The following GABRG3 variants were observed in gnomAD, a reference collection of about 807,000 sequenced individuals.
GABRG3 encodes gamma-aminobutyric acid type A receptor subunit gamma3, also known as gamma-aminobutyric acid receptor subunit gamma-3.
Under a neutral mutation model 48.8 loss-of-function variants are expected in GABRG3, and 25 were observed. The ratio of observed to expected loss-of-function variants is 0.51; its 90% CI spans 0.37 to 0.72. GABRG3 has a LOEUF of 0.72. Ranked by LOEUF, GABRG3 falls within the 30% of genes least tolerant of loss-of-function variation. The pLI is 0.00. For missense variants in GABRG3, 394 were observed against 577.9 expected (o/e 0.68, Z 3.26); for synonymous variants, 227 against 217.6 (o/e 1.04, Z -0.38).
chr15:27,369,905 C>T (rs1016673584), intron 5 of GABRG3, among the ~76,000 whole-genome samples: 5 of 151,258 alleles, frequency 3.3e-5, no homozygotes, highest in African/African-American at 9.7e-5. Context: ...CCTCTTTTCT[C>T]ACCTTGGGGA....
At chr15:27,111,468 G>A (rs1384370360) in intron 3 of GABRG3, among the ~76,000 whole-genome samples, 1 of 152,162 alleles carries the variant, frequency 6.6e-6, no homozygotes, top group Non-Finnish European at 1.5e-5. Flanking sequence ...CAGACATGAT[G>A]TGTTGGGTAA....
intron 5 of GABRG3, among the ~76,000 whole-genome samples, chr15:27,360,052 G>A (rs1595703346): frequency 1.3e-5 from 2 of 152,312 alleles, no homozygotes. Flanking sequence ...TCAGAAGGGA[G>A]CATTTTCAGG....
At chr15:27,484,922 TACAAACATGGGAGAACAC>T (rs1182627551) in intron 6 of GABRG3, among the ~76,000 whole-genome samples, 1 of 152,190 alleles carries the variant, frequency 6.6e-6, no homozygotes, top group African/African-American at 2.4e-5. Flanking sequence ...AATAAATACA[TACAAACATGGGAGAACAC>T]AGATAAATCC....
At chr15:27,410,506 C>T (rs912655700) in intron 5 of GABRG3, among the ~76,000 whole-genome samples, 1 of 152,106 alleles carries the variant, frequency 6.6e-6, no homozygotes, top group Non-Finnish European at 1.5e-5. Context: ...GAGCATGAAG[C>T]CTTCTTTTCC....
intron 3 of GABRG3, among the ~76,000 whole-genome samples, chr15:27,032,308 C>T (rs1896100495): frequency 6.6e-6 from 1 of 152,242 alleles, no homozygotes; most frequent in Non-Finnish European, 1.5e-5. Context: ...GAAGTCCCTT[C>T]TGCCATCTCT....
At chr15:27,118,993 C>T (rs1413112692) in intron 3 of GABRG3, among the ~76,000 whole-genome samples, 2 of 152,168 alleles carry the variant, frequency 1.3e-5, no homozygotes, top group African/African-American at 2.4e-5. Flanking sequence ...CAGACATTCT[C>T]CTACCATTCT....
chr15:27,322,931 G>A (rs1264128365), intron 3 of GABRG3, among the ~76,000 whole-genome samples: 1 of 152,134 alleles, frequency 6.6e-6, no homozygotes, highest in Admixed American at 6.5e-5. Context: ...TCTGTGTCAG[G>A]AATCCAGTCG....
At chr15:26,990,874 G>A (rs941867825) in intron 2 of GABRG3, among the ~76,000 whole-genome samples, 5 of 149,922 alleles carry the variant, frequency 3.3e-5, no homozygotes, top group Admixed American at 2.7e-4. Flanking sequence ...GTGCAATCTC[G>A]GCTCATTGAA....
intron 2 of GABRG3, among the ~76,000 whole-genome samples, chr15:27,025,134 C>T (rs953700849): frequency 6.6e-6 from 1 of 151,918 alleles, no homozygotes; most frequent in African/African-American, 2.4e-5. Context: ...TCTCTTACAC[C>T]CTTCATGGCA....
chr15:27,245,056 T>C lies in GABRG3; in HGVS notation c.271-81753T>C, dbSNP rs540837690. On this transcript the variant is annotated intron_variant, in intron 3 of 9. Coordinates refer to ENST00000615808, the MANE Select transcript of GABRG3 (RefSeq NM_033223.5). ...GGTCGTGTGGATGAGGTGATAGTGC[T>C]GGACCCTCCTCCTTAGTCCTGTGGG... Among the ~76,000 whole-genome samples, 23 of 152,176 alleles carry C rather than the reference T, an allele frequency of 1.5e-4. No individual in the cohort carries two copies. In the South Asian group the frequency reaches 3.9e-3, roughly 26 times the overall value.
chr15:27,298,519 A>G (rs1485478760), intron 3 of GABRG3, among the ~76,000 whole-genome samples: 1 of 152,144 alleles, frequency 6.6e-6, no homozygotes, highest in African/African-American at 2.4e-5. Context: ...GTACTCAGTA[A>G]ATCAGCACGT....
rs563262398 is a variant in GABRG3 at position 27,307,120 on chromosome 15, CAT to C, written c.271-19687_271-19686del. ...TAATATAAACATGTTTATATATAAA[CAT>C]AATATAAACATGTTTATACATATAT... On this transcript the variant is annotated intron_variant, in intron 3 of 9. Coordinates refer to ENST00000615808, the MANE Select transcript of GABRG3 (RefSeq NM_033223.5). Among the ~76,000 whole-genome samples, 204 of 118,822 alleles carry C rather than the reference CAT, an allele frequency of 1.7e-3. 1 individual carries two copies. Among genetic ancestry groups the C allele is most frequent in the South Asian group, 7.2e-3 (29 of 4,028 alleles). The allele number at this position is 118,822 out of a possible 152,430, so 78.0% of individuals were successfully genotyped here.
At chr15:27,349,201 T>C (rs1357432389) in intron 5 of GABRG3, among the ~76,000 whole-genome samples, 1 of 152,108 alleles carries the variant, frequency 6.6e-6, no homozygotes, top group East Asian at 1.9e-4. Flanking sequence ...TATATATATC[T>C]TTTTTACATA....
chr15:27,307,476 C>CATATAGGTTTATATATTTATATATAAAT (rs1236893346), intron 3 of GABRG3, among the ~76,000 whole-genome samples: 2 of 17,878 alleles, frequency 1.1e-4, no homozygotes, highest in Non-Finnish European at 2.9e-4. Context: ...TATATATAAA[C>CATATAGGTTTATATATTTATATATAAAT]ATAGGTTTAT....
Position 27,190,372 on chromosome 15 carries a change from G to T in GABRG3, c.271-136437G>T, listed in dbSNP as rs575527702. The stretch of plus-strand genomic sequence containing the variant: ...ATCTGGTCCTGGACTCTTTTTGGTT[G>T]GTAAGCTATTGATTATTGCCACAAT... On this transcript the variant is annotated intron_variant, in intron 3 of 9. Transcript: ENST00000615808. Among the ~76,000 whole-genome samples the T allele has an allele frequency of 4.4e-3, 669 of 152,228 alleles. 8 individuals carry two copies. The highest frequency in any genetic ancestry group is 0.015 in the African/African-American group (633 of 41,548).
At chr15:27,097,643 G>A (rs148823524) in intron 3 of GABRG3, among the ~76,000 whole-genome samples, 1 of 151,948 alleles carries the variant, frequency 6.6e-6, no homozygotes, top group Non-Finnish European at 1.5e-5. Flanking sequence ...TAACTGGTGC[G>A]ATTCTGTCTC....
chr15:27,531,126 G>A (rs1223412980), intron 9 of GABRG3, among the ~76,000 whole-genome samples: 1 of 152,128 alleles, frequency 6.6e-6, no homozygotes, highest in Non-Finnish European at 1.5e-5. Context: ...GAGGAGGAGG[G>A]TGGGCAGCCG....
chr15:27,261,085 CAA>C (rs1890752421), intron 3 of GABRG3, among the ~76,000 whole-genome samples: 1 of 152,018 alleles, frequency 6.6e-6, no homozygotes, highest in Non-Finnish European at 1.5e-5. Context: ...ACTTTAAAAA[CAA>C]ATACGCAAAC....
At chr15:27,469,746 T>C (rs1163372777) in intron 5 of GABRG3, among the ~76,000 whole-genome samples, 2 of 152,210 alleles carry the variant, frequency 1.3e-5, no homozygotes, top group African/African-American at 2.4e-5. Flanking sequence ...GACTATATTC[T>C]CATGGTGTCA....
Sources: gnomAD v4.1 joint callset for allele counts (sites outside exome capture counted in the v4.1 genomes callset) on GRCh38, gnomAD v4.1.1 for gene constraint, MANE v1.5 for transcripts, NCBI Gene and HGNC (gene_info 2026-07-23, HGNC 2026-07-21) for gene names.